Variants in ZCCHC4 observed in about 807,000 individuals in gnomAD.
The protein encoded by ZCCHC4 is rRNA N(6)-adenosine-methyltransferase ZCCHC4.
In ZCCHC4, 54 loss-of-function variants were observed where a neutral mutation model predicts 67.7. That is an observed-to-expected ratio of 0.80 (90% CI 0.64 to 1.00). The LOEUF (loss-of-function observed/expected upper bound fraction) is 1.00. ZCCHC4 is among the 50% of genes least tolerant of loss of function. The pLI is 0.00. For missense variants in ZCCHC4, 609 were observed against 617.0 expected (o/e 0.99, Z 0.14); for synonymous variants, 198 against 213.5 (o/e 0.93, Z 0.63).
Position 25,362,234 on chromosome 4 carries a change from C to G in ZCCHC4, c.1142C>G (p.Ser381Cys), listed in dbSNP as rs764582146. Reference sequence around the variant, plus strand: ...TCTGTCCTTTACTCTAGATTTTGCTCTCCGTGTCAACGGTATGTTTCTCTA... The same window carrying G: ...TCTGTCCTTTACTCTAGATTTTGCTGTCCGTGTCAACGGTATGTTTCTCTA... ...LPTEEGYRFC[S>C]PCQRYVSLEN... The change falls in exon 10 of 13, where the codon TCT (serine) becomes TGT (cysteine). Residue 381 changes from serine to cysteine, a missense_variant. Physicochemically the swap from Ser to Cys is moderately radical, Grantham distance 112. Transcript: ENST00000302874. 1.2e-6 allele frequency: 2 copies of G among 1,610,568 alleles called. No homozygotes were observed. Among genetic ancestry groups the G allele is most frequent in the Non-Finnish European group, 1.7e-6 (2 of 1,178,236 alleles).
intron 3 of ZCCHC4, among the ~76,000 whole-genome samples, chr4:25,321,962 G>A (rs990986231): frequency 3.3e-5 from 5 of 152,160 alleles, no homozygotes; most frequent in African/African-American, 1.2e-4. Flanking sequence ...CACAACACTT[G>A]CCTGAAGACA....
chr4:25,319,184 C>A (rs1432604248), intron 3 of ZCCHC4, among the ~76,000 whole-genome samples: 1 of 152,024 alleles, frequency 6.6e-6, no homozygotes, highest in Non-Finnish European at 1.5e-5. Context: ...GAGATCGAGA[C>A]CATCCTGGCT....
intron 3 of ZCCHC4, among the ~76,000 whole-genome samples, chr4:25,327,942 C>G (rs28642192): frequency 0.44 from 66,340 of 152,068 alleles, 16,406 homozygotes; most frequent in Non-Finnish European, 0.56. Context: ...AACTATATTT[C>G]GTCATGATGT....
intron 5 of ZCCHC4, among the ~76,000 whole-genome samples, chr4:25,341,778 A>G (rs991135819): frequency 2.6e-5 from 4 of 152,228 alleles, no homozygotes; most frequent in Non-Finnish European, 4.4e-5. Flanking sequence ...TAGATATACA[A>G]CTTAGTAGTG....
rs531701968 is a variant in ZCCHC4 at position 25,351,984 on chromosome 4, C to T, written c.1011+295C>T. On this transcript the variant is annotated intron_variant, in intron 8 of 12. Transcript: ENST00000302874. ...ACTCCAAGTGTGCTAGGGTTTAGAGCGGCTGATTTAGTCTTTCATCATCAC... is the reference window on the plus strand; with the variant it reads ...ACTCCAAGTGTGCTAGGGTTTAGAGTGGCTGATTTAGTCTTTCATCATCAC... 1.1e-5 allele frequency: 12 copies of T among 1,050,852 alleles called. No individual in the cohort carries two copies. In the African/African-American group the frequency reaches 1.5e-4, roughly 13 times the overall value. The allele number at this position is 1,050,852 out of a possible 1,614,324, so 65.1% of individuals were successfully genotyped here.
chr4:25,324,014 G>GTTTTTTGTTTTTT (rs1553895907), intron 3 of ZCCHC4, among the ~76,000 whole-genome samples: 3 of 82,446 alleles, frequency 3.6e-5, no homozygotes, highest in African/African-American at 1.6e-4. Flanking sequence ...TGTTTTTTGT[G>GTTTTTTGTTTTTT]TTTTTTTTTT....
At position 25,369,024 on chromosome 4, in the gene ZCCHC4, T is replaced by C; in HGVS notation, c.1407-5T>C. 1 of 1,606,238 alleles carries C rather than the reference T, an allele frequency of 6.2e-7. No homozygotes were observed. Among genetic ancestry groups the C allele is most frequent in the South Asian group, 1.1e-5 (1 of 88,448 alleles). ...TGTGAAATAATTTAGCACCTTGTTT[T>C]CCAGAGCTGTCAGAAAGCAGAAGCA... On this transcript the variant is annotated splice_polypyrimidine_tract_variant and splice_region_variant and intron_variant, in intron 12 of 12. Transcript: ENST00000302874.
intron 3 of ZCCHC4, among the ~76,000 whole-genome samples, chr4:25,325,672 T>C (rs1718843859): frequency 6.6e-6 from 1 of 152,248 alleles, no homozygotes; most frequent in African/African-American, 2.4e-5. Context: ...AAATGTTAAG[T>C]CATGACGAAG....
rs1479315066 is a variant in ZCCHC4 at position 25,349,616 on chromosome 4, C to G, written c.884C>G (p.Ala295Gly). ...PLAITFKKLI[A>G]MWKEGQSQDD... ...GCTATTACATTCAAGAAGTTAATTG[C>G]TATGTGGAAAGAAGGTCAAAGCCAA... Residue 295 changes from alanine (A) to glycine (G), a missense_variant, in exon 7 of 13, where the codon GCT becomes GGT. Ala to Gly is a moderately conservative substitution (Grantham distance 60, BLOSUM62 0). Transcript: ENST00000302874. 6.2e-7 allele frequency: 1 copy of G among 1,613,758 alleles called. No individual in the cohort carries two copies. Among genetic ancestry groups the G allele is most frequent in the African/African-American group, 1.3e-5 (1 of 74,890 alleles).
chr4:25,325,543 C>T (rs893640717), intron 3 of ZCCHC4, among the ~76,000 whole-genome samples: 15 of 152,042 alleles, frequency 9.9e-5, no homozygotes, highest in Non-Finnish European at 1.6e-4. Context: ...GGATTATAGG[C>T]GTGAGCCACT....
rs1031838171 is a variant in ZCCHC4, at chr4:25,333,916, A to G, written c.614A>G (p.Glu205Gly). 4 of 1,596,842 alleles carry G rather than the reference A, an allele frequency of 2.5e-6. No individual in the cohort carries two copies. Among genetic ancestry groups the G allele is most frequent in the Non-Finnish European group, 3.4e-6 (4 of 1,175,900 alleles). ...VLCVGTPRLH[E>G]LIKLTASGDK... is the part of the protein sequence containing the mutation. Reference sequence around the variant, plus strand: ...TTCACTAATTGCTTTAGGTTGCATGAGCTGATCAAGTTGACAGCATCAGGT... The same window carrying G: ...TTCACTAATTGCTTTAGGTTGCATGGGCTGATCAAGTTGACAGCATCAGGT... Residue 205 changes from glutamate (E) to glycine (G), a missense_variant, in exon 5 of 13, where the codon GAG becomes GGG. Glu to Gly is a moderately conservative substitution (Grantham distance 98). Coordinates refer to ENST00000302874, the MANE Select transcript of ZCCHC4 (RefSeq NM_024936.3).
At chr4:25,317,315 G>T (rs1211794117) in intron 3 of ZCCHC4, among the ~76,000 whole-genome samples, 1 of 152,106 alleles carries the variant, frequency 6.6e-6, no homozygotes, top group Non-Finnish European at 1.5e-5. Flanking sequence ...GCATTTCTCA[G>T]GATAATTTGA....
intron 1 of ZCCHC4, 38 bp from the exon 2 acceptor site, chr4:25,314,008 C>G: frequency 8.0e-7 from 1 of 1,243,830 alleles, no homozygotes; most frequent in Non-Finnish European, 1.1e-6. Context: ...ATGACCATTA[C>G]TTGACACTTT....
rs778320003 is a variant in ZCCHC4 at position 25,333,200 on chromosome 4, A to T, written c.347A>T (p.Glu116Val). 11 of 1,613,526 alleles carry T rather than the reference A, an allele frequency of 6.8e-6. No individual in the cohort carries two copies. Among genetic ancestry groups the T allele is most frequent in the Non-Finnish European group, 9.3e-6 (11 of 1,179,508 alleles). ...TCTTGAAGGTACTTGAAGTTTATTG[A>T]GTTGCCCTTGACTCAGAGAAAGTTT... ...QCVERYLKFI[E>V]LPLTQRKFCQ... The change falls in exon 4 of 13, where the codon GAG (glutamate) becomes GTG (valine). Residue 116 changes from glutamate to valine, a missense_variant. Transcript: ENST00000302874.
chr4:25,329,962 G>A (rs1719095911), intron 3 of ZCCHC4, among the ~76,000 whole-genome samples: 1 of 151,662 alleles, frequency 6.6e-6, no homozygotes, highest in African/African-American at 2.4e-5. Flanking sequence ...GTCATTTCTG[G>A]GTTTGTTTAG....
intron 5 of ZCCHC4, among the ~76,000 whole-genome samples, chr4:25,340,309 A>C (rs889691096): frequency 6.6e-6 from 1 of 152,148 alleles, no homozygotes; most frequent in Non-Finnish European, 1.5e-5. Flanking sequence ...AAGGACCACA[A>C]ATATATAGGT....
intron 3 of ZCCHC4, among the ~76,000 whole-genome samples, chr4:25,324,663 T>A (rs746490963): frequency 2.6e-5 from 4 of 152,350 alleles, no homozygotes; most frequent in African/African-American, 4.8e-5. Context: ...CGTTTTACAT[T>A]CCTATCAGCA....
intron 8 of ZCCHC4, 36 bp from the exon 9 acceptor site, chr4:25,361,822 GT>G: frequency 6.4e-7 from 1 of 1,561,328 alleles, no homozygotes; most frequent in South Asian, 1.2e-5. Flanking sequence ...ACTAATTTGA[GT>G]AAATTTTCTT....
chr4:25,364,750 G>A (rs1357904424), intron 11 of ZCCHC4, among the ~76,000 whole-genome samples: 1 of 152,210 alleles, frequency 6.6e-6, no homozygotes, highest in Non-Finnish European at 1.5e-5. Context: ...AAGGCATTGT[G>A]TCACTCAGCC....
Sources: allele counts gnomAD v4.1 joint callset (sites outside exome capture counted in the v4.1 genomes callset), GRCh38; gene constraint gnomAD v4.1.1; transcripts MANE v1.5; gene names NCBI Gene and HGNC (gene_info 2026-07-23, HGNC 2026-07-21).